Variants in ARB2A observed in about 807,000 individuals in gnomAD.
ARB2A encodes cotranscriptional regulator ARB2A.
chr5:93,839,864 G>T, the ARB2A span, among the ~76,000 whole-genome samples: 1 of 151,804 alleles, frequency 6.6e-6, no homozygotes, highest in African/African-American at 2.4e-5. Context: ...GTGGGGTTGG[G>T]GGTAATGTCC....
At chr5:93,922,660 G>A in the ARB2A span, among the ~76,000 whole-genome samples, 4 of 67,120 alleles carry the variant, frequency 6.0e-5, no homozygotes, top group East Asian at 1.3e-3. Flanking sequence ...GGGAGGGAGG[G>A]AGGAAGGGAG....
chr5:93,854,761 A>G, the ARB2A span, among the ~76,000 whole-genome samples: 1 of 152,076 alleles, frequency 6.6e-6, no homozygotes, highest in African/African-American at 2.4e-5. Context: ...CATGTAGTTG[A>G]GCAGTTTTGA....
At chr5:93,730,685 G>C in the ARB2A span, among the ~76,000 whole-genome samples, 2 of 152,148 alleles carry the variant, frequency 1.3e-5, no homozygotes, top group Non-Finnish European at 2.9e-5. Context: ...ACATTAGCTT[G>C]ATAAACTTAG....
the ARB2A span, among the ~76,000 whole-genome samples, chr5:93,955,837 G>A: frequency 1.8e-3 from 271 of 152,260 alleles, 1 homozygote; most frequent in African/African-American, 6.2e-3. Context: ...CCTGGACCAC[G>A]TCAACATCTG....
the ARB2A span, among the ~76,000 whole-genome samples, chr5:93,777,661 T>A: frequency 6.6e-6 from 1 of 152,216 alleles, no homozygotes; most frequent in Admixed American, 6.5e-5. Flanking sequence ...AACAAGCATG[T>A]ATTGTGTATT....
At chr5:93,712,756 C>A in the ARB2A span, among the ~76,000 whole-genome samples, 156 of 152,206 alleles carry the variant, frequency 1.0e-3, no homozygotes, top group African/African-American at 3.7e-3. Context: ...AAAGCCATCC[C>A]TAGCAGAAAG....
chr5:94,096,633 T>C, the ARB2A span, among the ~76,000 whole-genome samples: 11 of 152,156 alleles, frequency 7.2e-5, no homozygotes, highest in Non-Finnish European at 1.5e-4. Flanking sequence ...GCTTGGTCCA[T>C]TATCAATCTA....
At chr5:94,001,287 A>G in the ARB2A span, among the ~76,000 whole-genome samples, 1 of 152,084 alleles carries the variant, frequency 6.6e-6, no homozygotes, top group Non-Finnish European at 1.5e-5. Flanking sequence ...AACATGGTAT[A>G]TCTATTTATT....
At chr5:93,738,593 G>C in the ARB2A span, 1 of 152,150 alleles carries the variant, frequency 6.6e-6, no homozygotes, top group Non-Finnish European at 1.5e-5. Flanking sequence ...ACAAAATGTG[G>C]TATATATCCA....
the ARB2A span, among the ~76,000 whole-genome samples, chr5:93,692,698 C>G: frequency 6.6e-6 from 1 of 152,104 alleles, no homozygotes; most frequent in Non-Finnish European, 1.5e-5. Flanking sequence ...CTAAGCAGAC[C>G]TAATAGACAT....
chr5:93,932,513 T>C, the ARB2A span, among the ~76,000 whole-genome samples: 34 of 152,196 alleles, frequency 2.2e-4, no homozygotes, highest in Non-Finnish European at 4.6e-4. Context: ...TATCTATAAG[T>C]AGACAAATAT....
chr5:93,765,252 A>T, the ARB2A span, among the ~76,000 whole-genome samples: 2 of 152,166 alleles, frequency 1.3e-5, no homozygotes, highest in African/African-American at 2.4e-5. Context: ...AGGAAGTCAA[A>T]TTGTCCCTGT....
chr5:93,776,282 T>C, the ARB2A span: 1 of 1,529,914 alleles, frequency 6.5e-7, no homozygotes, highest in African/African-American at 1.4e-5. Flanking sequence ...AAATACAATT[T>C]AAGCCAAGAT....
the ARB2A span, among the ~76,000 whole-genome samples, chr5:93,652,789 T>C: frequency 6.6e-6 from 1 of 152,210 alleles, no homozygotes; most frequent in Non-Finnish European, 1.5e-5. Flanking sequence ...CCCAAACATA[T>C]TTGACCAATG....
At chr5:93,865,669 T>A in the ARB2A span, 3 of 985,252 alleles carry the variant, frequency 3.0e-6, no homozygotes, top group African/African-American at 3.5e-5. Flanking sequence ...ATATTTATCA[T>A]CTAAAGATCT....
the ARB2A span, among the ~76,000 whole-genome samples, chr5:94,007,901 G>A: frequency 1.3e-5 from 2 of 152,148 alleles, no homozygotes; most frequent in African/African-American, 4.8e-5. Context: ...TTCCATGGGA[G>A]CAACACAATG....
At chr5:93,979,562 T>A in the ARB2A span, among the ~76,000 whole-genome samples, 13 of 152,236 alleles carry the variant, frequency 8.5e-5, no homozygotes, top group South Asian at 2.7e-3. Flanking sequence ...ATATCAAATT[T>A]TGATATTTTT....
At chr5:93,933,938 G>A in the ARB2A span, among the ~76,000 whole-genome samples, 28 of 152,146 alleles carry the variant, frequency 1.8e-4, no homozygotes, top group South Asian at 2.5e-3. Flanking sequence ...CCTGGCAGGC[G>A]GAGGTTGCAG....
chr5:93,805,783 G>C, the ARB2A span: 6 of 985,088 alleles, frequency 6.1e-6, no homozygotes, highest in Non-Finnish European at 7.2e-6. Context: ...TGGGGTTGTC[G>C]TTCAGTCCTA....
Sources: allele counts gnomAD v4.1 joint callset (sites outside exome capture counted in the v4.1 genomes callset), GRCh38; gene constraint gnomAD v4.1.1; transcripts MANE v1.5; gene names NCBI Gene and HGNC (gene_info 2026-07-23, HGNC 2026-07-21).